Variants in FOXN3 observed in about 807,000 individuals in gnomAD.
The protein encoded by FOXN3 is forkhead box N3.
FOXN3 carries 7 observed loss-of-function variants against 38.4 expected under a neutral mutation model. That is an observed-to-expected ratio of 0.18 (90% confidence interval 0.10 to 0.34). FOXN3 has a LOEUF of 0.34. FOXN3 is among the 10% of genes least tolerant of loss of function. The pLI is 1.00. For missense variants in FOXN3, 456 were observed against 613.4 expected (o/e 0.74, Z 2.71); for synonymous variants, 230 against 242.2 (o/e 0.95, Z 0.47).
At chr14:89,384,658 T>C (rs1008214580) in intron 2 of FOXN3, among the ~76,000 whole-genome samples, 4 of 152,034 alleles carry the variant, frequency 2.6e-5, no homozygotes, top group South Asian at 2.1e-4. Context: ...TAAAAATATA[T>C]ATATAAAGCA....
At chr14:89,220,587 G>T (rs1397435272) in intron 4 of FOXN3, among the ~76,000 whole-genome samples, 3 of 152,126 alleles carry the variant, frequency 2.0e-5, no homozygotes, top group African/African-American at 4.8e-5. Flanking sequence ...CACCAGCCTG[G>T]GTCACGAATG....
intron 4 of FOXN3, among the ~76,000 whole-genome samples, chr14:89,202,372 C>T (rs1009532101): frequency 1.3e-5 from 2 of 152,236 alleles, no homozygotes; most frequent in African/African-American, 4.8e-5. Context: ...GAATCACACA[C>T]CCGGTCCCAC....
At chr14:89,213,913 A>C (rs972535339) in intron 4 of FOXN3, among the ~76,000 whole-genome samples, 21 of 152,388 alleles carry the variant, frequency 1.4e-4, no homozygotes, top group Admixed American at 1.2e-3. Flanking sequence ...CTGTAACAGT[A>C]ACAAAGATAA....
chr14:89,249,716 CA>C (rs1367583193), intron 4 of FOXN3, among the ~76,000 whole-genome samples: 1 of 152,144 alleles, frequency 6.6e-6, no homozygotes, highest in Non-Finnish European at 1.5e-5. Flanking sequence ...AACGATGGGA[CA>C]ATGCCATAAA....
chr14:89,359,484 T>C (rs1208940115), intron 2 of FOXN3, among the ~76,000 whole-genome samples: 1 of 152,180 alleles, frequency 6.6e-6, no homozygotes, highest in African/African-American at 2.4e-5. Context: ...TTGTTTTCCA[T>C]AGTCTGATGT....
At chr14:89,535,824 AAC>A (rs1350532039) in intron 1 of FOXN3, among the ~76,000 whole-genome samples, 1 of 152,216 alleles carries the variant, frequency 6.6e-6, no homozygotes, top group Non-Finnish European at 1.5e-5. Flanking sequence ...TCTTCAGAAG[AAC>A]TCCCCAAAAG....
At chr14:89,411,693 T>C (rs1235563651) in intron 2 of FOXN3, among the ~76,000 whole-genome samples, 1 of 152,176 alleles carries the variant, frequency 6.6e-6, no homozygotes, top group African/African-American at 2.4e-5. Flanking sequence ...ACCACTGTTT[T>C]ATCTTTATGG....
intron 3 of FOXN3, among the ~76,000 whole-genome samples, chr14:89,325,048 A>C (rs1370441433): frequency 6.6e-6 from 1 of 152,174 alleles, no homozygotes; most frequent in East Asian, 1.9e-4. Flanking sequence ...CTAAAAATGC[A>C]ATTCCATGGG....
intron 1 of FOXN3, among the ~76,000 whole-genome samples, chr14:89,572,372 C>T (rs560062360): frequency 1.6e-4 from 25 of 152,190 alleles, no homozygotes; most frequent in Non-Finnish European, 3.4e-4. Context: ...AAAATGAAGT[C>T]TCACTGTCTA....
chr14:89,364,493 G>T, intron 2 of FOXN3: 1 of 152,572 alleles, frequency 6.6e-6, no homozygotes. Flanking sequence ...CCAACAGGCA[G>T]GGAGGAGAGG....
At chr14:89,235,432 C>T (rs938272614) in intron 4 of FOXN3, among the ~76,000 whole-genome samples, 14 of 152,162 alleles carry the variant, frequency 9.2e-5, no homozygotes, top group East Asian at 5.8e-4. Context: ...AACCATCAGC[C>T]GTTGTGACCC....
chr14:89,559,871 C>G (rs905320490), intron 1 of FOXN3, among the ~76,000 whole-genome samples: 1 of 152,028 alleles, frequency 6.6e-6, no homozygotes. Context: ...CTCAGATACA[C>G]TTCAGGGGAG....
At chr14:89,242,238 C>T (rs1324494695) in intron 4 of FOXN3, among the ~76,000 whole-genome samples, 2 of 152,082 alleles carry the variant, frequency 1.3e-5, no homozygotes, top group Non-Finnish European at 2.9e-5. Flanking sequence ...TCTTGATGAC[C>T]GCCAGCTATT....
intron 1 of FOXN3, among the ~76,000 whole-genome samples, chr14:89,427,090 G>A (rs978555291): frequency 6.6e-6 from 1 of 151,574 alleles, no homozygotes; most frequent in African/African-American, 2.4e-5. Context: ...TTAGCCGGGC[G>A]CAGTGGTGGG....
At chr14:89,215,429 TTTGA>T (rs1172497984) in intron 4 of FOXN3, among the ~76,000 whole-genome samples, 1 of 152,038 alleles carries the variant, frequency 6.6e-6, no homozygotes, top group Non-Finnish European at 1.5e-5. Context: ...CTGTTTCATG[TTTGA>T]TTTTGATTTT....
At chr14:89,395,028 T>A (rs147097895) in intron 2 of FOXN3, among the ~76,000 whole-genome samples, 2 of 152,368 alleles carry the variant, frequency 1.3e-5, no homozygotes, top group East Asian at 3.9e-4. Flanking sequence ...ATTCTGACAC[T>A]TCCCCAAAGC....
chr14:89,210,312 T>C (rs1047153845), intron 4 of FOXN3, among the ~76,000 whole-genome samples: 2 of 152,122 alleles, frequency 1.3e-5, no homozygotes, highest in South Asian at 4.1e-4. Flanking sequence ...CTCACCCTCC[T>C]ATGAAATGCC....
intron 1 of FOXN3, among the ~76,000 whole-genome samples, chr14:89,462,009 G>A (rs990711910): frequency 3.9e-5 from 6 of 152,142 alleles, no homozygotes; most frequent in Non-Finnish European, 8.8e-5. Flanking sequence ...TGTAAATATC[G>A]ACTTTTGCAT....
At chr14:89,190,956 T>C (rs1887926154) in intron 4 of FOXN3, among the ~76,000 whole-genome samples, 1 of 152,154 alleles carries the variant, frequency 6.6e-6, no homozygotes, top group Admixed American at 6.5e-5. Context: ...TATGTGTTTG[T>C]AACAGTGGTG....
Sources: gnomAD v4.1 joint callset for allele counts (sites outside exome capture counted in the v4.1 genomes callset) on GRCh38, gnomAD v4.1.1 for gene constraint, MANE v1.5 for transcripts, NCBI Gene and HGNC (gene_info 2026-07-23, HGNC 2026-07-21) for gene names.